Variants in DOK5 observed in about 807,000 individuals in gnomAD.
DOK5 encodes docking protein 5.
In DOK5, 27 loss-of-function variants were observed where a neutral mutation model predicts 43.3. The ratio of observed to expected loss-of-function variants is 0.62; its 90% confidence interval spans 0.46 to 0.86. The LOEUF (loss-of-function observed/expected upper bound fraction) is 0.86, where lower values mean the gene tolerates loss of function less well. DOK5 is among the 40% of genes least tolerant of loss of function. The pLI is 0.00. For synonymous variants in DOK5, 146 were observed against 140.1 expected, an observed-to-expected ratio of 1.04 and a Z score of -0.30; for missense variants, 373 against 392.9, an observed-to-expected ratio of 0.95 and a Z score of 0.43.
chr20:54,618,439 G>C (rs1045063905), intron 6 of DOK5, among the ~76,000 whole-genome samples: 3 of 151,812 alleles, frequency 2.0e-5, no homozygotes, highest in Non-Finnish European at 2.9e-5. Context: ...TGCCTCCCGG[G>C]TTCAAGCGAT....
intron 6 of DOK5, among the ~76,000 whole-genome samples, chr20:54,625,868 T>TAATTC (rs1208014676): frequency 6.6e-6 from 1 of 152,244 alleles, no homozygotes; most frequent in African/African-American, 2.4e-5. Context: ...CATCCATCCA[T>TAATTC]AATTCAATTA....
At chr20:54,552,370 C>T (rs539776692) in intron 1 of DOK5, among the ~76,000 whole-genome samples, 1 of 152,006 alleles carries the variant, frequency 6.6e-6, no homozygotes, top group South Asian at 2.1e-4. Context: ...TTCAAATGAA[C>T]CAACTATGTT....
At chr20:54,514,839 A>C (rs1983141850) in intron 1 of DOK5, among the ~76,000 whole-genome samples, 1 of 151,768 alleles carries the variant, frequency 6.6e-6, no homozygotes, top group Non-Finnish European at 1.5e-5. Flanking sequence ...TGAATTACCA[A>C]AATGCTCACC....
intron 1 of DOK5, among the ~76,000 whole-genome samples, chr20:54,482,499 C>T (rs1353439974): frequency 1.3e-5 from 2 of 151,924 alleles, no homozygotes; most frequent in Non-Finnish European, 2.9e-5. Context: ...TCATATACTC[C>T]TTTTTTTTCC....
rs1342748569 is a variant in DOK5, at chr20:54,588,605, T to A, written c.289+8T>A. 2.5e-6 allele frequency: 4 copies of A among 1,614,044 alleles called. No individual in the cohort carries two copies. In the African/African-American group the frequency reaches 5.3e-5, roughly 22 times the overall value. ...CTTTTGCTTGCGAATCAGGTTTGTC[T>A]CAGGCAGGGCTGGGGGGCTTTTGCT... is the stretch of plus-strand genomic sequence containing the variant. On this transcript the variant is annotated splice_region_variant and intron_variant, in intron 3 of 7. Coordinates refer to ENST00000262593, the MANE Select transcript of DOK5 (RefSeq NM_018431.5).
At chr20:54,550,167 T>G (rs1303609164) in intron 1 of DOK5, among the ~76,000 whole-genome samples, 1 of 143,308 alleles carries the variant, frequency 7.0e-6, no homozygotes, top group Admixed American at 7.0e-5. Context: ...TTAATTAGAC[T>G]GTGATTGGAT....
intron 6 of DOK5, among the ~76,000 whole-genome samples, chr20:54,613,003 C>A (rs151177180): frequency 6.2e-4 from 94 of 152,270 alleles, no homozygotes; most frequent in African/African-American, 2.2e-3. Context: ...CATGTTCAGC[C>A]CAGAGCTCAT....
intron 1 of DOK5, among the ~76,000 whole-genome samples, chr20:54,513,189 C>A (rs527299992): frequency 6.6e-6 from 1 of 152,220 alleles, no homozygotes; most frequent in Admixed American, 6.5e-5. Flanking sequence ...GGAGATTGAG[C>A]AGTCATCTTG....
At chr20:54,486,047 G>A (rs181901494) in intron 1 of DOK5, among the ~76,000 whole-genome samples, 156 of 152,288 alleles carry the variant, frequency 1.0e-3, no homozygotes, top group African/African-American at 3.7e-3. Context: ...TGGTTTGCAA[G>A]TATCTTCTTT....
chr20:54,497,278 C>T (rs958897274), intron 1 of DOK5, among the ~76,000 whole-genome samples: 3 of 152,192 alleles, frequency 2.0e-5, no homozygotes, highest in African/African-American at 7.2e-5. Context: ...ATGAATATTA[C>T]AAACCCGAAT....
intron 1 of DOK5, among the ~76,000 whole-genome samples, chr20:54,530,158 T>G (rs1037480466): frequency 1.3e-5 from 2 of 152,246 alleles, no homozygotes; most frequent in African/African-American, 4.8e-5. Flanking sequence ...CCAATTTGGC[T>G]ATTTCTGTAT....
At chr20:54,586,304 G>C (rs1399915030) in intron 2 of DOK5, among the ~76,000 whole-genome samples, 1 of 152,012 alleles carries the variant, frequency 6.6e-6, no homozygotes, top group African/African-American at 2.4e-5. Context: ...ATAGAGAGAA[G>C]AGAAATGTTA....
chr20:54,642,565 A>G (rs1003970388), intron 6 of DOK5, among the ~76,000 whole-genome samples: 5 of 147,080 alleles, frequency 3.4e-5, no homozygotes, highest in African/African-American at 1.3e-4. Flanking sequence ...AAAAAAAAAA[A>G]AAAGAAAAAT....
chr20:54,531,384 G>C (rs755653122), intron 1 of DOK5, among the ~76,000 whole-genome samples: 33 of 152,244 alleles, frequency 2.2e-4, no homozygotes, highest in South Asian at 1.0e-3. Flanking sequence ...GAGTGAGTTT[G>C]GGTAAAATTC....
intron 1 of DOK5, among the ~76,000 whole-genome samples, chr20:54,526,288 G>T (rs1407875374): frequency 6.6e-6 from 1 of 152,086 alleles, no homozygotes; most frequent in East Asian, 1.9e-4. Context: ...AGTCTGAGGG[G>T]TGTCTTTTCT....
chr20:54,619,550 G>A (rs1186931981), intron 6 of DOK5, among the ~76,000 whole-genome samples: 12 of 152,164 alleles, frequency 7.9e-5, no homozygotes, highest in South Asian at 4.1e-4. Context: ...CAGGGGCTCC[G>A]GGTGGGGTGA....
At chr20:54,509,509 A>G (rs192841641) in intron 1 of DOK5, among the ~76,000 whole-genome samples, 36 of 152,222 alleles carry the variant, frequency 2.4e-4, no homozygotes, top group Non-Finnish European at 2.5e-4. Context: ...AGATTTTAAT[A>G]TATTTTCATA....
At chr20:54,592,968 A>G (rs1387744960) in intron 5 of DOK5, among the ~76,000 whole-genome samples, 1 of 143,626 alleles carries the variant, frequency 7.0e-6, no homozygotes, top group African/African-American at 3.0e-5. Flanking sequence ...GTAAAAGCAG[A>G]CAGTTATTCC....
intron 1 of DOK5, among the ~76,000 whole-genome samples, chr20:54,487,649 C>T (rs1475739151): frequency 1.3e-5 from 2 of 152,048 alleles, no homozygotes; most frequent in South Asian, 2.1e-4. Flanking sequence ...CTTATAGCCG[C>T]CAAATGTCAT....
Sources: allele counts gnomAD v4.1 joint callset (sites outside exome capture counted in the v4.1 genomes callset), GRCh38; gene constraint gnomAD v4.1.1; transcripts MANE v1.5; gene names NCBI Gene and HGNC (gene_info 2026-07-23, HGNC 2026-07-21).